Variants in RNFT2 observed in about 807,000 individuals in gnomAD.
RNFT2 encodes E3 ubiquitin-protein ligase RNFT2.
RNFT2 carries 36 observed loss-of-function variants against 53.0 expected under a neutral mutation model. The ratio of observed to expected loss-of-function variants is 0.68; its 90% confidence interval spans 0.52 to 0.90. The LOEUF (loss-of-function observed/expected upper bound fraction) is 0.90, where lower values mean the gene tolerates loss of function less well. Among genes scored for constraint, RNFT2 ranks in the 40% least tolerant of loss-of-function variants. RNFT2 has a pLI of 0.00. For missense variants in RNFT2, 514 were observed against 585.6 expected, an observed-to-expected ratio of 0.88 and a Z score of 1.26; for synonymous variants, 260 against 253.2, an observed-to-expected ratio of 1.03 and a Z score of -0.26.
chr12:116,749,983 C>T lies in RNFT2; in HGVS notation c.226C>T (p.Leu76=). The T allele has an allele frequency of 2.6e-6, 4 of 1,560,744 alleles. No homozygotes were observed. Among genetic ancestry groups the T allele is most frequent in the Non-Finnish European group, 3.5e-6 (4 of 1,152,268 alleles). Residue 76 remains leucine (L), a synonymous_variant, in exon 4 of 11, where the codon CTG becomes TTG. Coordinates refer to ENST00000257575, the MANE Select transcript of RNFT2 (RefSeq NM_001382266.1). ...CCCCACCAGCTCGTTCCCCTCCAGC[C>T]TGGTGCTGGGCTCCTCGGCTGGCGG... The part of the protein sequence containing the change: ...SLPTSSFPSS[L]VLGSSAGGGD...
At chr12:116,793,541 C>A (rs1250678166) in intron 7 of RNFT2, among the ~76,000 whole-genome samples, 1 of 152,150 alleles carries the variant, frequency 6.6e-6, no homozygotes, top group Admixed American at 6.5e-5. Flanking sequence ...CTGGCTCCTA[C>A]TCCACCTCTC....
intron 7 of RNFT2, among the ~76,000 whole-genome samples, chr12:116,810,557 G>A (rs1428141628): frequency 6.6e-6 from 1 of 152,134 alleles, no homozygotes. Context: ...GCAAAGCAGG[G>A]AGACTCACGT....
At chr12:116,787,909 C>T (rs898370753) in intron 7 of RNFT2, among the ~76,000 whole-genome samples, 1 of 151,902 alleles carries the variant, frequency 6.6e-6, no homozygotes, top group Admixed American at 6.6e-5. Flanking sequence ...ACAGACAGAC[C>T]CTACCTCTTT....
At chr12:116,762,048 CAG>C (rs1365195612) in intron 5 of RNFT2, among the ~76,000 whole-genome samples, 2 of 127,222 alleles carry the variant, frequency 1.6e-5, no homozygotes, top group African/African-American at 5.8e-5. Context: ...ACCCGGGTGA[CAG>C]AGTGAGACTG....
At chr12:116,761,917 C>A (rs1872703638) in intron 5 of RNFT2, among the ~76,000 whole-genome samples, 1 of 152,034 alleles carries the variant, frequency 6.6e-6, no homozygotes. Context: ...AATAGTGCAT[C>A]CAGGCCGGTC....
Position 116,819,948 on chromosome 12 carries a change from A to G in RNFT2, c.883-13844A>G, listed in dbSNP as rs1015447574. 6.6e-4 allele frequency among the ~76,000 whole-genome samples: 101 copies of G among 152,376 alleles called. 1 individual carries two copies. Among genetic ancestry groups the G allele is most frequent in the African/African-American group, 2.0e-3 (82 of 41,598 alleles). ...AGGAACAGGTGACTTTAATTTTAAT[A>G]CTATATTTTATTTAGCCTAATGTGT... On this transcript the variant is annotated intron_variant, in intron 7 of 10. Transcript: ENST00000257575.
chr12:116,827,751 T>A (rs1252988952), intron 7 of RNFT2, among the ~76,000 whole-genome samples: 1 of 152,198 alleles, frequency 6.6e-6, no homozygotes, highest in Non-Finnish European at 1.5e-5. Flanking sequence ...TAGAAAAAGT[T>A]TGCCAACACT....
intron 7 of RNFT2, among the ~76,000 whole-genome samples, chr12:116,794,130 T>C (rs74483871): frequency 6.6e-6 from 1 of 151,926 alleles, no homozygotes; most frequent in Non-Finnish European, 1.5e-5. Context: ...CCAAGCATAG[T>C]GTCATGCACC....
chr12:116,851,986 A>G lies in RNFT2; in HGVS notation c.*2538A>G. On this transcript the variant is annotated 3_prime_UTR_variant, in exon 11 of 11. Coordinates refer to ENST00000257575, the MANE Select transcript of RNFT2 (RefSeq NM_001382266.1). Reference sequence around the variant, plus strand: ...GACAACCTATGTTATGGATGTTTCCACCAACCAGGGTAGTGGCATGGAGCA... The same window carrying G: ...GACAACCTATGTTATGGATGTTTCCGCCAACCAGGGTAGTGGCATGGAGCA... The G allele has an allele frequency of 4.0e-6, 6 of 1,487,858 alleles. No homozygotes were observed. The highest frequency in any genetic ancestry group is 5.3e-6 in the Non-Finnish European group (6 of 1,124,340). 92.2% of individuals were successfully genotyped at this position (1,487,858 alleles called of 1,614,324 possible). A position where few individuals can be genotyped will look rare whatever the true frequency, so the allele number is the denominator to read the frequency against.
At chr12:116,842,807 C>A (rs573317598) in intron 10 of RNFT2, among the ~76,000 whole-genome samples, 4 of 152,296 alleles carry the variant, frequency 2.6e-5, no homozygotes, top group Non-Finnish European at 5.9e-5. Context: ...CTCCTGGCCT[C>A]AAGTGATCCA....
At chr12:116,777,126 C>G (rs1348620991) in intron 6 of RNFT2, among the ~76,000 whole-genome samples, 1 of 151,888 alleles carries the variant, frequency 6.6e-6, no homozygotes, top group Admixed American at 6.6e-5. Context: ...CCATGTTGGC[C>G]GGGCCGGTCT....
At chr12:116,779,375 A>C (rs758838986) in intron 7 of RNFT2, 27 bp downstream of exon 7, 10 of 1,613,204 alleles carry the variant, frequency 6.2e-6, no homozygotes, top group African/African-American at 1.3e-5. Context: ...GCCACAAGGT[A>C]GCCCCAGTCA....
At chr12:116,846,509 CA>C (rs1436808460) in intron 10 of RNFT2, among the ~76,000 whole-genome samples, 2 of 149,626 alleles carry the variant, frequency 1.3e-5, no homozygotes, top group Non-Finnish European at 3.0e-5. Flanking sequence ...AGGCTGGTCT[CA>C]AACTCCTGGC....
At chr12:116,824,371 T>G (rs1467487287) in intron 7 of RNFT2, among the ~76,000 whole-genome samples, 1 of 152,140 alleles carries the variant, frequency 6.6e-6, no homozygotes, top group Non-Finnish European at 1.5e-5. Context: ...CGCTTTCTAT[T>G]AGTTAGGATT....
At chr12:116,831,486 A>G (rs1876643841) in intron 7 of RNFT2, among the ~76,000 whole-genome samples, 1 of 151,826 alleles carries the variant, frequency 6.6e-6, no homozygotes, top group Non-Finnish European at 1.5e-5. Context: ...TTTCCATTAT[A>G]GATCTCTAAC....
At chr12:116,803,794 CCT>C (rs1412320262) in intron 7 of RNFT2, among the ~76,000 whole-genome samples, 1 of 152,160 alleles carries the variant, frequency 6.6e-6, no homozygotes, top group Non-Finnish European at 1.5e-5. Context: ...GGGGATGAGA[CCT>C]CAGTCTCCAC....
rs4767452 is a variant in RNFT2, at chr12:116,779,336, T to C, written c.870T>C (p.Ala290=). The change falls in exon 7 of 11, where the codon GCT becomes GCC. Residue 290 remains alanine, a synonymous_variant. Coordinates refer to ENST00000257575, the MANE Select transcript of RNFT2 (RefSeq NM_001382266.1). ...TGGCCCTGCCCAAGATCATCCTGGC[T>C]GTCAAGTCCAAGGTAGGCACTGGCT... ...LIVALPKIIL[A]VKSKGKFYLV... 1,426,639 of 1,613,840 alleles carry C rather than the reference T, an allele frequency of 0.88. 631,287 individuals carry two copies. Among genetic ancestry groups the C allele is most frequent in the East Asian group, 0.95 (42,760 of 44,872 alleles).
chr12:116,825,167 T>G (rs1876261879), intron 7 of RNFT2, among the ~76,000 whole-genome samples: 1 of 152,156 alleles, frequency 6.6e-6, no homozygotes, highest in African/African-American at 2.4e-5. Context: ...CTGGTTTTCA[T>G]GTTTCTCCTC....
intron 3 of RNFT2, 81 bp from the exon 4 acceptor site, chr12:116,749,757 ATAT>A (rs1423050714): frequency 9.2e-6 from 11 of 1,190,840 alleles, no homozygotes; most frequent in Middle Eastern, 2.1e-4. Context: ...AACATAATTG[ATAT>A]TATTAGTCCC....
Sources: allele counts gnomAD v4.1 joint callset (sites outside exome capture counted in the v4.1 genomes callset), GRCh38; gene constraint gnomAD v4.1.1; transcripts MANE v1.5; gene names NCBI Gene and HGNC (gene_info 2026-07-23, HGNC 2026-07-21).